PALM2AKAP2: variants seen among roughly 807,000 people sequenced by gnomAD.
The protein encoded by PALM2AKAP2 is PALM2-AKAP2 fusion protein.
PALM2AKAP2 carries 37 observed loss-of-function variants against 71.5 expected under a neutral mutation model. The ratio of observed to expected loss-of-function variants is 0.52; its 90% confidence interval spans 0.40 to 0.68. PALM2AKAP2 has a LOEUF of 0.68. Among genes scored for constraint, PALM2AKAP2 ranks in the 30% least tolerant of loss-of-function variants. PALM2AKAP2 has a pLI of 0.00. For synonymous variants in PALM2AKAP2, 468 were observed against 478.8 expected (o/e 0.98, Z 0.29); for missense variants, 1,224 against 1,191.8 (o/e 1.03, Z -0.40).
intron 7 of PALM2AKAP2, among the ~76,000 whole-genome samples, chr9:110,024,096 A>T (rs1220455215): frequency 1.3e-5 from 2 of 152,198 alleles, no homozygotes; most frequent in Non-Finnish European, 2.9e-5. Flanking sequence ...TCTTTTTTTA[A>T]ATAACACAAC....
In PALM2AKAP2 at chr9:109,732,727, A is replaced by G. The variant is rs187442424; in HGVS notation, c.6-47761A>G. The stretch of plus-strand genomic sequence containing the variant: ...GCGGGTAATGATGAGTGCTATGGAG[A>G]AAAAGAAAGTCAGGGGAGGGGTTAG... On this transcript the variant is annotated intron_variant, in intron 1 of 6. Transcript: ENST00000374531. Among the ~76,000 whole-genome samples the G allele has an allele frequency of 2.6e-5, 4 of 152,296 alleles. No individual in the cohort carries two copies. The East Asian group carries it at 7.7e-4, about 29-fold the overall frequency.
chr9:109,762,394 A>C (rs1431620779), intron 1 of PALM2AKAP2, among the ~76,000 whole-genome samples: 1 of 152,202 alleles, frequency 6.6e-6, no homozygotes, highest in Non-Finnish European at 1.5e-5. Context: ...TTGTCTATTT[A>C]ACACCCTGGA....
exon 4 of PALM2AKAP2, chr9:110,168,433 G>A: frequency 6.2e-7 from 1 of 1,614,180 alleles, no homozygotes; most frequent in Non-Finnish European, 8.5e-7. Context: ...CGAAGAAAGA[G>A]CGCACTGGCT....
intron 1 of PALM2AKAP2, among the ~76,000 whole-genome samples, chr9:110,109,950 G>C (rs2118930338): frequency 6.6e-6 from 1 of 152,290 alleles, no homozygotes; most frequent in African/African-American, 2.4e-5. Context: ...AGGGGAGGGG[G>C]ATTGGGGAGA....
chr9:110,053,527 C>CAAAAAAA (rs56132919), intron 1 of PALM2AKAP2, among the ~76,000 whole-genome samples: 299 of 82,114 alleles, frequency 3.6e-3, no homozygotes, highest in Non-Finnish European at 4.5e-3. Flanking sequence ...AACTCTGTCT[C>CAAAAAAA]AAAAAAAAAA....
chr9:109,679,599 C>T (rs930180711), intron 1 of PALM2AKAP2, among the ~76,000 whole-genome samples: 1 of 152,086 alleles, frequency 6.6e-6, no homozygotes, highest in Admixed American at 6.6e-5. Context: ...TTGGGTTTTT[C>T]TTACCCCAAT....
At chr9:109,894,102 C>T (rs1045309755) in intron 3 of PALM2AKAP2, among the ~76,000 whole-genome samples, 6 of 151,126 alleles carry the variant, frequency 4.0e-5, no homozygotes, top group Admixed American at 6.6e-5. Flanking sequence ...TTCGGGAGGC[C>T]GAGGCAGGTG....
chr9:109,672,980 A>T (rs1015904486), intron 1 of PALM2AKAP2, among the ~76,000 whole-genome samples: 14 of 151,252 alleles, frequency 9.3e-5, no homozygotes, highest in African/African-American at 3.4e-4. Context: ...GTGTTTATTA[A>T]ATCTTTTCTC....
intron 6 of PALM2AKAP2, among the ~76,000 whole-genome samples, chr9:110,010,514 A>G (rs1351828520): frequency 6.8e-6 from 1 of 147,636 alleles, no homozygotes; most frequent in Non-Finnish European, 1.5e-5. Context: ...GCAATATATA[A>G]TATAATTATA....
At chr9:109,859,468 T>TG (rs1208705297) in intron 1 of PALM2AKAP2, among the ~76,000 whole-genome samples, 1 of 152,150 alleles carries the variant, frequency 6.6e-6, no homozygotes, top group African/African-American at 2.4e-5. Flanking sequence ...ATACACGAGA[T>TG]GGTGGATGTC....
intron 1 of PALM2AKAP2, among the ~76,000 whole-genome samples, chr9:109,739,827 G>T (rs1303375430): frequency 6.6e-6 from 1 of 152,204 alleles, no homozygotes; most frequent in South Asian, 2.1e-4. Context: ...GGGAAGGGCT[G>T]CAGAACGTGG....
At chr9:110,026,291 G>A (rs1404134214) in intron 7 of PALM2AKAP2, among the ~76,000 whole-genome samples, 1 of 151,986 alleles carries the variant, frequency 6.6e-6, no homozygotes, top group East Asian at 1.9e-4. Context: ...TGTTGCCCAG[G>A]CCAATCTTAA....
chr9:109,923,366 C>T (rs1052217336), intron 3 of PALM2AKAP2, among the ~76,000 whole-genome samples: 3 of 152,168 alleles, frequency 2.0e-5, no homozygotes, highest in African/African-American at 4.8e-5. Flanking sequence ...TACTCTGAGC[C>T]GGTCAGGAGA....
At chr9:109,774,097 A>G (rs1829314587) in intron 1 of PALM2AKAP2, among the ~76,000 whole-genome samples, 1 of 152,264 alleles carries the variant, frequency 6.6e-6, no homozygotes, top group Admixed American at 6.5e-5. Context: ...GACTTGCAGA[A>G]TGTACACGGC....
intron 5 of PALM2AKAP2, among the ~76,000 whole-genome samples, chr9:109,928,937 G>A (rs1338184433): frequency 2.6e-5 from 4 of 152,140 alleles, no homozygotes; most frequent in African/African-American, 9.7e-5. Context: ...AAAGTGTTGG[G>A]TTTACAGGTG....
chr9:109,769,437 A>G (rs73531248), intron 1 of PALM2AKAP2, among the ~76,000 whole-genome samples: 13,054 of 152,208 alleles, frequency 0.086, 742 homozygotes, highest in Admixed American at 0.15. Context: ...CTTCCTCCTT[A>G]TTAATGAAAA....
chr9:109,966,983 T>C (rs564641274), intron 6 of PALM2AKAP2, among the ~76,000 whole-genome samples: 20 of 152,346 alleles, frequency 1.3e-4, no homozygotes, highest in African/African-American at 4.8e-4. Context: ...TAACAAATCA[T>C]CCAAACCTAG....
chr9:110,007,933 T>C (rs1364979039), intron 6 of PALM2AKAP2, among the ~76,000 whole-genome samples: 2 of 152,208 alleles, frequency 1.3e-5, no homozygotes, highest in African/African-American at 2.4e-5. Flanking sequence ...GGCCTGTCTG[T>C]CTAGATTCTT....
At chr9:109,688,206 G>A (rs916450062) in intron 1 of PALM2AKAP2, among the ~76,000 whole-genome samples, 2 of 152,206 alleles carry the variant, frequency 1.3e-5, no homozygotes, top group Non-Finnish European at 2.9e-5. Context: ...GAATGGTGCT[G>A]ATAGATTTAT....
Sources: allele counts gnomAD v4.1 joint callset (sites outside exome capture counted in the v4.1 genomes callset), GRCh38; gene constraint gnomAD v4.1.1; transcripts MANE v1.5; gene names NCBI Gene and HGNC (gene_info 2026-07-23, HGNC 2026-07-21).